Variants in SEMA6D observed in about 807,000 individuals in gnomAD.
The protein encoded by SEMA6D is semaphorin 6D.
SEMA6D carries 35 observed loss-of-function variants against 106.6 expected under a neutral mutation model. The observed-to-expected ratio is 0.33, with a 90% CI of 0.25 to 0.44. The LOEUF is 0.44. SEMA6D is among the 20% of genes least tolerant of loss of function. The probability of loss-of-function intolerance (pLI) is 1.00; values close to 1 mark genes in which losing one functional copy is unlikely to be tolerated. For synonymous variants in SEMA6D, 499 were observed against 487.7 expected (o/e 1.02, Z -0.31); for missense variants, 1,185 against 1,345.9 (o/e 0.88, Z 1.87).
intron 1 of SEMA6D, among the ~76,000 whole-genome samples, chr15:47,724,309 A>G (rs1424427608): frequency 6.6e-6 from 1 of 152,252 alleles, no homozygotes; most frequent in South Asian, 2.1e-4. Context: ...ACAAGTGGGT[A>G]CAGGGCAGGA....
chr15:47,601,187 C>G (rs1016929005), intron 4 of SEMA6D, among the ~76,000 whole-genome samples: 5 of 152,146 alleles, frequency 3.3e-5, no homozygotes, highest in Non-Finnish European at 7.4e-5. Flanking sequence ...ACAGCAGACT[C>G]TTTGTCTCTG....
At chr15:47,630,402 G>C (rs1466986999) in intron 4 of SEMA6D, among the ~76,000 whole-genome samples, 1 of 151,626 alleles carries the variant, frequency 6.6e-6, no homozygotes, top group African/African-American at 2.4e-5. Flanking sequence ...TTTATTTTTA[G>C]TATCCACATT....
chr15:47,668,494 T>C (rs746374901), intron 4 of SEMA6D, among the ~76,000 whole-genome samples: 2 of 152,136 alleles, frequency 1.3e-5, no homozygotes, highest in Non-Finnish European at 2.9e-5. Flanking sequence ...TTCATACATC[T>C]CAGAAATTAC....
intron 4 of SEMA6D, among the ~76,000 whole-genome samples, chr15:47,602,831 C>T (rs901078717): frequency 2.0e-5 from 3 of 152,176 alleles, no homozygotes; most frequent in African/African-American, 4.8e-5. Flanking sequence ...AGTCCCCCAC[C>T]CCCGAAACTC....
intron 3 of SEMA6D, among the ~76,000 whole-genome samples, chr15:47,571,691 G>A (rs902383542): frequency 6.6e-6 from 1 of 152,132 alleles, no homozygotes; most frequent in African/African-American, 2.4e-5. Flanking sequence ...AGTTATGTAG[G>A]CCTCATTGGA....
intron 2 of SEMA6D, among the ~76,000 whole-genome samples, chr15:47,428,979 G>A (rs1251071129): frequency 1.3e-5 from 2 of 151,018 alleles, no homozygotes; most frequent in East Asian, 3.9e-4. Flanking sequence ...AAAGAAGGAG[G>A]GAGGAAAGAA....
intron 1 of SEMA6D, among the ~76,000 whole-genome samples, chr15:47,276,498 A>G (rs1021668333): frequency 6.6e-6 from 1 of 152,178 alleles, no homozygotes; most frequent in African/African-American, 2.4e-5. Flanking sequence ...TTTAAGAATT[A>G]TGCTAACTCT....
chr15:47,624,453 A>G (rs1437107523), intron 4 of SEMA6D, among the ~76,000 whole-genome samples: 1 of 152,220 alleles, frequency 6.6e-6, no homozygotes, highest in Non-Finnish European at 1.5e-5. Context: ...AAACTTACAA[A>G]TATAGTCATC....
intron 4 of SEMA6D, among the ~76,000 whole-genome samples, chr15:47,685,788 T>C (rs1596629903): frequency 6.6e-6 from 1 of 152,172 alleles, no homozygotes; most frequent in African/African-American, 2.4e-5. Flanking sequence ...ATGAGGAATC[T>C]AATACAACCT....
At chr15:47,449,071 A>C in intron 2 of SEMA6D, among the ~76,000 whole-genome samples, 1 of 152,092 alleles carries the variant, frequency 6.6e-6, no homozygotes, top group East Asian at 1.9e-4. Context: ...AGAGACTTTG[A>C]TGAAGCAAGA....
rs530257578 is a variant in SEMA6D at position 47,612,993 on chromosome 15, A to G, written c.-55+12097A>G. On this transcript the variant is annotated intron_variant, in intron 4 of 19. Transcript: ENST00000558014. ...TGTAAATGTTTTTATGAAAAACATA[A>G]TGTTGGTGAATTTTAAACTCTGTGG... Among the ~76,000 whole-genome samples the G allele has an allele frequency of 2.0e-5, 3 of 152,334 alleles. No individual in the cohort carries two copies. In the East Asian group the frequency reaches 5.8e-4, roughly 29 times the overall value.
intron 3 of SEMA6D, among the ~76,000 whole-genome samples, chr15:47,594,937 G>A (rs749371068): frequency 1.4e-4 from 21 of 152,104 alleles, no homozygotes; most frequent in African/African-American, 5.1e-4. Context: ...TCCAAGCAAG[G>A]GTAATGGCAC....
chr15:47,441,250 T>C (rs1427713745), intron 2 of SEMA6D, among the ~76,000 whole-genome samples: 1 of 152,088 alleles, frequency 6.6e-6, no homozygotes, highest in African/African-American at 2.4e-5. Flanking sequence ...AAAAACATGT[T>C]CTTCATCTTG....
At position 47,267,995 on chromosome 15, in the gene SEMA6D, G is replaced by GTGCA. The variant is rs1244351896; in HGVS notation, c.-239+83578_-239+83581dup. Among the ~76,000 whole-genome samples the GTGCA allele has an allele frequency of 7.9e-5, 12 of 152,076 alleles. No individual in the cohort carries two copies. The East Asian group carries it at 2.3e-3, about 29-fold the overall frequency. On this transcript the variant is annotated intron_variant, in intron 1 of 19. Transcript: ENST00000558014. ...TCTGTCTAGGCCCTTGCTACCCATAGTGCAGTCTTCAAACCAGATATACTG... is the reference window on the plus strand; with the variant it reads ...TCTGTCTAGGCCCTTGCTACCCATAGTGCATGCAGTCTTCAAACCAGATATACTG...
At chr15:47,232,029 C>T (rs2032229987) in intron 1 of SEMA6D, among the ~76,000 whole-genome samples, 1 of 151,990 alleles carries the variant, frequency 6.6e-6, no homozygotes, top group Non-Finnish European at 1.5e-5. Context: ...CTTTCAGCCC[C>T]TGTAAACCAC....
At position 47,367,790 on chromosome 15, in the gene SEMA6D, T is replaced by G. The variant is rs375469896; in HGVS notation, c.-238-44603T>G. 5.3e-5 allele frequency among the ~76,000 whole-genome samples: 8 copies of G among 152,122 alleles called. No homozygotes were observed. The East Asian group carries it at 1.6e-3, about 29-fold the overall frequency. ...GCTTCATTATTAAATAATACTGCAA[T>G]CTGTATTTAAGTTGACAACATAGGC... On this transcript the variant is annotated intron_variant, in intron 1 of 19. Transcript: ENST00000558014.
intron 3 of SEMA6D, among the ~76,000 whole-genome samples, chr15:47,582,274 A>G (rs2076267783): frequency 6.6e-6 from 1 of 152,192 alleles, no homozygotes; most frequent in South Asian, 2.1e-4. Context: ...ACTAACTGAC[A>G]TGAGACACGA....
At chr15:47,286,929 T>G (rs2035389084) in intron 1 of SEMA6D, among the ~76,000 whole-genome samples, 1 of 152,210 alleles carries the variant, frequency 6.6e-6, no homozygotes, top group South Asian at 2.1e-4. Context: ...AAAATGGAGC[T>G]ATTCAACCCA....
chr15:47,699,495 T>C (rs2078765878), intron 4 of SEMA6D, among the ~76,000 whole-genome samples: 2 of 152,196 alleles, frequency 1.3e-5, no homozygotes, highest in Non-Finnish European at 2.9e-5. Flanking sequence ...AAATCACCTC[T>C]GAAAAAGACC....
Sources: gnomAD v4.1 joint callset for allele counts (sites outside exome capture counted in the v4.1 genomes callset) on GRCh38, gnomAD v4.1.1 for gene constraint, MANE v1.5 for transcripts, NCBI Gene and HGNC (gene_info 2026-07-23, HGNC 2026-07-21) for gene names.